Variants in PRMT8 observed in about 807,000 individuals in gnomAD.
The protein encoded by PRMT8 is protein arginine N-methyltransferase 8.
Under a neutral mutation model 47.1 loss-of-function variants are expected in PRMT8, and 7 were observed. The ratio of observed to expected loss-of-function variants is 0.15; its 90% CI spans 0.08 to 0.28. The LOEUF (loss-of-function observed/expected upper bound fraction) is 0.28, where lower values mean the gene tolerates loss of function less well. PRMT8 is among the 10% of genes least tolerant of loss of function. The pLI, the probability that PRMT8 is intolerant of heterozygous loss-of-function variation, is 1.00. For synonymous variants in PRMT8, 188 were observed against 186.5 expected, an observed-to-expected ratio of 1.01 and a Z score of -0.07; for missense variants, 237 against 505.4, an observed-to-expected ratio of 0.47 and a Z score of 5.09.
At chr12:3,534,289 T>C (rs1866082422) in intron 1 of PRMT8, among the ~76,000 whole-genome samples, 2 of 152,244 alleles carry the variant, frequency 1.3e-5, no homozygotes, top group South Asian at 4.1e-4. Flanking sequence ...GAAATCATTT[T>C]AAAGCTTGGG....
chr12:3,389,767 A>G (rs1380538329), intron 1 of PRMT8, among the ~76,000 whole-genome samples: 4 of 152,234 alleles, frequency 2.6e-5, no homozygotes, highest in South Asian at 2.1e-4. Flanking sequence ...ACATAGCTCC[A>G]TTACTCAGAA....
At chr12:3,551,979 A>G (rs1381398418) in intron 3 of PRMT8, 1 of 152,608 alleles carries the variant, frequency 6.6e-6, no homozygotes, top group Non-Finnish European at 1.5e-5. Context: ...AAAGCACAAA[A>G]GAAAAGAATC....
At chr12:3,448,001 A>G (rs190432702) in intron 1 of PRMT8, among the ~76,000 whole-genome samples, 1 of 152,144 alleles carries the variant, frequency 6.6e-6, no homozygotes, top group African/African-American at 2.4e-5. Flanking sequence ...CTCCCTTTAC[A>G]ATTTTTTGTG....
chr12:3,493,820 G>A lies in PRMT8; in HGVS notation c.75+2120G>A, dbSNP rs1565422484. Among the ~76,000 whole-genome samples, 1 of 152,364 alleles carries A rather than the reference G, an allele frequency of 6.6e-6. No individual in the cohort carries two copies. Among genetic ancestry groups the A allele is most frequent in the East Asian group, 1.9e-4 (1 of 5,174 alleles). On this transcript the variant is annotated intron_variant, in intron 1 of 9. Coordinates refer to ENST00000382622, the MANE Select transcript of PRMT8 (RefSeq NM_019854.5). This position sits in a 1 kb window ranked among gnomAD's most constrained non-coding sequence, Gnocchi z 8.2. ...ACAAACAAACAAAAAACCACGTCGCGTGCGGGGCACCAAGGCGGTGCGGGG... is the reference window on the plus strand; with the variant it reads ...ACAAACAAACAAAAAACCACGTCGCATGCGGGGCACCAAGGCGGTGCGGGG...
At chr12:3,527,921 A>G (rs1439372726) in intron 1 of PRMT8, among the ~76,000 whole-genome samples, 1 of 152,162 alleles carries the variant, frequency 6.6e-6, no homozygotes, top group Admixed American at 6.5e-5. Flanking sequence ...ATAGAATTCT[A>G]AGTTGACAGT....
intron 1 of PRMT8, among the ~76,000 whole-genome samples, chr12:3,396,575 A>G (rs1269296896): frequency 1.3e-5 from 2 of 152,206 alleles, no homozygotes; most frequent in East Asian, 1.9e-4. Context: ...TTTCTGCCGA[A>G]AGATCCACTG....
intron 1 of PRMT8, chr12:3,463,529 C>T (rs1002642965): frequency 3.9e-5 from 6 of 152,200 alleles, no homozygotes; most frequent in African/African-American, 7.2e-5. Flanking sequence ...GCTGTGTACT[C>T]TAGGACAAGC....
At chr12:3,592,705 T>C (rs954535287) in intron 9 of PRMT8, among the ~76,000 whole-genome samples, 1 of 152,144 alleles carries the variant, frequency 6.6e-6, no homozygotes, top group Non-Finnish European at 1.5e-5. Flanking sequence ...TTGGCGTGCA[T>C]TTCTTCAGCT....
chr12:3,432,829 C>G (rs1166935831), intron 1 of PRMT8, among the ~76,000 whole-genome samples: 2 of 152,042 alleles, frequency 1.3e-5, no homozygotes, highest in African/African-American at 2.4e-5. Flanking sequence ...TGGGACTCAA[C>G]ACATGAAATG....
chr12:3,540,740 G>A lies in PRMT8; in HGVS notation c.210G>A (p.Met70Ile). ...KMSKLLNPEE[M>I]TSRDYYFDSY... ...CCAAGCTGCTGAACCCAGAGGAGAT[G>A]ACCTCGAGAGATTATTACTTCGACT... The change falls in exon 2 of 10, where the codon ATG becomes ATA. Residue 70 changes from methionine to isoleucine, a missense_variant. By Grantham distance (10) the Met-to-Ile change is conservative. Transcript: ENST00000382622. 1 of 1,613,924 alleles carries A rather than the reference G, an allele frequency of 6.2e-7. No individual in the cohort carries two copies. Among genetic ancestry groups the A allele is most frequent in the Non-Finnish European group, 8.5e-7 (1 of 1,179,928 alleles).
chr12:3,460,571 T>G (rs1042391265), intron 1 of PRMT8, among the ~76,000 whole-genome samples: 2 of 152,182 alleles, frequency 1.3e-5, no homozygotes, highest in African/African-American at 4.8e-5. Flanking sequence ...AATGGCAGAA[T>G]GGGATGTGGG....
chr12:3,591,791 C>A (rs1326927301), intron 8 of PRMT8, among the ~76,000 whole-genome samples: 1 of 152,120 alleles, frequency 6.6e-6, no homozygotes, highest in Non-Finnish European at 1.5e-5. Flanking sequence ...TGAATGATGT[C>A]ATTTAAGGGG....
intron 1 of PRMT8, among the ~76,000 whole-genome samples, chr12:3,384,924 A>T (rs1374066345): frequency 7.9e-6 from 1 of 126,092 alleles, no homozygotes; most frequent in Non-Finnish European, 1.6e-5. Flanking sequence ...CATGGAGACA[A>T]CTTCTTTCAA....
intron 1 of PRMT8, among the ~76,000 whole-genome samples, chr12:3,392,724 C>G (rs1029289361): frequency 6.6e-6 from 1 of 152,048 alleles, no homozygotes; most frequent in Non-Finnish European, 1.5e-5. Context: ...TGGGTATATA[C>G]CCAGTAATGG....
intron 1 of PRMT8, among the ~76,000 whole-genome samples, chr12:3,455,911 C>A (rs1202417472): frequency 1.3e-5 from 2 of 152,190 alleles, no homozygotes; most frequent in African/African-American, 4.8e-5. Context: ...CCGCGTGATG[C>A]CGTGAAAACA....
At chr12:3,450,113 T>C (rs1591553176) in intron 1 of PRMT8, among the ~76,000 whole-genome samples, 2 of 152,352 alleles carry the variant, frequency 1.3e-5, no homozygotes, top group African/African-American at 2.4e-5. Flanking sequence ...AGATAGATAG[T>C]TGAAAGCGTA....
Position 3,558,961 on chromosome 12 carries a change from C to CCTATCTACCTATCTATCTATCTATCTAT in PRMT8, c.481+5254_481+5255insCCTATCTATCTATCTATCTATCTATCTA, listed in dbSNP as rs1555094146. ...TAACATTTATCTGTCTATCTATCTA[C>CCTATCTACCTATCTATCTATCTATCTAT]CTATCTATCTATCTATCTATCTATC... On this transcript the variant is annotated intron_variant, in intron 4 of 9. Transcript: ENST00000382622. Among the ~76,000 whole-genome samples the CCTATCTACCTATCTATCTATCTATCTAT allele has an allele frequency of 1.2e-3, 177 of 150,106 alleles. 1 individual carries two copies. The highest frequency in any genetic ancestry group is 4.2e-3 in the African/African-American group (172 of 40,556).
At chr12:3,577,362 A>G (rs1866966320) in intron 7 of PRMT8, among the ~76,000 whole-genome samples, 1 of 152,130 alleles carries the variant, frequency 6.6e-6, no homozygotes, top group African/African-American at 2.4e-5. Flanking sequence ...GAAATCCAGG[A>G]CCTCAGTATG....
At chr12:3,494,812 C>G (rs1865481019) in intron 1 of PRMT8, among the ~76,000 whole-genome samples, 1 of 152,164 alleles carries the variant, frequency 6.6e-6, no homozygotes, top group Non-Finnish European at 1.5e-5. Flanking sequence ...CCTGGGGGCA[C>G]TCTTCAACCG....
Sources: allele counts gnomAD v4.1 joint callset (sites outside exome capture counted in the v4.1 genomes callset), GRCh38; gene constraint gnomAD v4.1.1; non-coding constraint Gnocchi (gnomAD v3.1); transcripts MANE v1.5; gene names NCBI Gene and HGNC (gene_info 2026-07-23, HGNC 2026-07-21).